MRPS21: variants seen among roughly 807,000 people sequenced by gnomAD.
MRPS21 encodes the protein mitochondrial ribosomal protein S21, also known as small ribosomal subunit protein bS21m.
MRPS21 carries 8 observed loss-of-function variants against 9.9 expected under a neutral mutation model. The ratio of observed to expected loss-of-function variants is 0.81; its 90% CI spans 0.47 to 1.45. The LOEUF (loss-of-function observed/expected upper bound fraction) is 1.45, where lower values mean the gene tolerates loss of function less well. MRPS21 is among the 40% of genes most tolerant of loss of function. The pLI, the probability that MRPS21 is intolerant of heterozygous loss-of-function variation, is 0.00. For synonymous variants in MRPS21, 40 were observed against 40.3 expected, an observed-to-expected ratio of 0.99 and a Z score of 0.03; for missense variants, 101 against 118.9, an observed-to-expected ratio of 0.85 and a Z score of 0.70.
chr1:150,302,578 A>G (rs896355775), intron 2 of MRPS21, among the ~76,000 whole-genome samples: 3 of 152,110 alleles, frequency 2.0e-5, no homozygotes, highest in Non-Finnish European at 2.9e-5. Flanking sequence ...CTCCTTTTAC[A>G]TAATCATTTG....
chr1:150,293,920 G>C (rs1653812570), intron 1 of MRPS21, 22 bp downstream of exon 1: 1 of 204,548 alleles, frequency 4.9e-6, no homozygotes, highest in Non-Finnish European at 1.0e-5. Context: ...TGCAGGGTTT[G>C]GGGAAAGGAA....
At chr1:150,298,697 G>A (rs1553857048) in intron 2 of MRPS21, among the ~76,000 whole-genome samples, 5 of 152,126 alleles carry the variant, frequency 3.3e-5, no homozygotes, top group Non-Finnish European at 5.9e-5. Flanking sequence ...CGCCTCCCGA[G>A]TTCAAGCGAT....
chr1:150,302,414 C>T (rs922794951), intron 2 of MRPS21, among the ~76,000 whole-genome samples: 1 of 152,122 alleles, frequency 6.6e-6, no homozygotes, highest in African/African-American at 2.4e-5. Context: ...AAGGTGAGTA[C>T]ACTGGAAGCA....
At chr1:150,306,014 G>C (rs587746931) in intron 2 of MRPS21, among the ~76,000 whole-genome samples, 1 of 152,192 alleles carries the variant, frequency 6.6e-6, no homozygotes, top group South Asian at 2.1e-4. Flanking sequence ...CCCAGGGTTC[G>C]GAATGTTTAA....
intron 2 of MRPS21, among the ~76,000 whole-genome samples, chr1:150,299,540 C>T (rs1190848081): frequency 1.3e-5 from 2 of 152,158 alleles, no homozygotes; most frequent in East Asian, 1.9e-4. Flanking sequence ...CTGCAACCTC[C>T]GCCTCCCAGG....
intron 2 of MRPS21, among the ~76,000 whole-genome samples, chr1:150,296,345 A>T (rs943108459): frequency 5.3e-5 from 8 of 152,236 alleles, no homozygotes; most frequent in African/African-American, 1.9e-4. Flanking sequence ...GGTATGACTC[A>T]CGCGTCATTT....
At chr1:150,294,973 C>T (rs982230084) in intron 2 of MRPS21, among the ~76,000 whole-genome samples, 1 of 151,116 alleles carries the variant, frequency 6.6e-6, no homozygotes, top group African/African-American at 2.4e-5. Context: ...CCCCGCACCT[C>T]CCCGCTTTTA....
intron 2 of MRPS21, among the ~76,000 whole-genome samples, chr1:150,298,291 G>A (rs1653987355): frequency 6.6e-6 from 1 of 152,218 alleles, no homozygotes; most frequent in African/African-American, 2.4e-5. Flanking sequence ...CTAGGGAGAT[G>A]AATGTTGAAT....
At chr1:150,294,535 T>C in intron 2 of MRPS21, 86 bp downstream of exon 2, 1 of 1,139,158 alleles carries the variant, frequency 8.8e-7, no homozygotes, top group Admixed American at 1.9e-5. Context: ...TTGATTGTTC[T>C]CAAAACAGTG....
At chr1:150,297,783 G>GTGCCTTACT (rs1180709292) in intron 2 of MRPS21, among the ~76,000 whole-genome samples, 1 of 152,052 alleles carries the variant, frequency 6.6e-6, no homozygotes, top group African/African-American at 2.4e-5. Flanking sequence ...GTAAAGATAA[G>GTGCCTTACT]TACCAGGTTG....
chr1:150,303,678 AGAG>A (rs1174619049), intron 2 of MRPS21, among the ~76,000 whole-genome samples: 2 of 152,234 alleles, frequency 1.3e-5, no homozygotes, highest in African/African-American at 4.8e-5. Flanking sequence ...ATCTATAAAA[AGAG>A]GACATTATTT....
chr1:150,303,183 G>A (rs962910317), intron 2 of MRPS21, among the ~76,000 whole-genome samples: 36 of 152,076 alleles, frequency 2.4e-4, no homozygotes, highest in African/African-American at 8.7e-4. Context: ...CTTTTAAACT[G>A]TCTTTGTCAT....
Position 150,297,686 on chromosome 1 carries a change from G to A in MRPS21, c.83+3237G>A, listed in dbSNP as rs116608670. On this transcript the variant is annotated intron_variant, in intron 2 of 2. Coordinates refer to ENST00000614145, the MANE Select transcript of MRPS21 (RefSeq NM_031901.6). The stretch of plus-strand genomic sequence containing the variant: ...ACTCAAAAAAAAAAATCTGGTCTGG[G>A]GTCAGCCACATCACTTAATTCTATG... Among the ~76,000 whole-genome samples the A allele has an allele frequency of 3.3e-3, 509 of 152,064 alleles. 5 individuals are homozygous for A. The highest frequency in any genetic ancestry group is 0.012 in the African/African-American group (479 of 41,494).
chr1:150,302,415 A>T (rs1189766164), intron 2 of MRPS21, among the ~76,000 whole-genome samples: 1 of 152,106 alleles, frequency 6.6e-6, no homozygotes, highest in Non-Finnish European at 1.5e-5. Context: ...AGGTGAGTAC[A>T]CTGGAAGCAT....
At chr1:150,296,371 A>G (rs1047793150) in intron 2 of MRPS21, among the ~76,000 whole-genome samples, 1 of 152,202 alleles carries the variant, frequency 6.6e-6, no homozygotes, top group Admixed American at 6.6e-5. Context: ...CCCCAATGTG[A>G]AGTAACATTT....
At chr1:150,300,115 G>A (rs1308554380) in intron 2 of MRPS21, among the ~76,000 whole-genome samples, 1 of 152,082 alleles carries the variant, frequency 6.6e-6, no homozygotes, top group Non-Finnish European at 1.5e-5. Flanking sequence ...GGCTGAGGGG[G>A]GCGGATCATT....
At chr1:150,296,533 A>G (rs1653921480) in intron 2 of MRPS21, among the ~76,000 whole-genome samples, 1 of 152,184 alleles carries the variant, frequency 6.6e-6, no homozygotes, top group Admixed American at 6.5e-5. Flanking sequence ...GTGCCTGTGA[A>G]TAACCACTCC....
chr1:150,294,648 C>T (rs1320837467), intron 2 of MRPS21, among the ~76,000 whole-genome samples, 199 bp downstream of exon 2: 1 of 152,072 alleles, frequency 6.6e-6, no homozygotes, highest in East Asian at 1.9e-4. Context: ...CCTGTAATCC[C>T]AGCACTTTGG....
intron 2 of MRPS21, among the ~76,000 whole-genome samples, chr1:150,306,681 G>C (rs1553858570): frequency 6.6e-6 from 1 of 152,140 alleles, no homozygotes; most frequent in Non-Finnish European, 1.5e-5. Flanking sequence ...TTTTAGTAGA[G>C]ACAGGGTTTC....
Sources: allele counts gnomAD v4.1 joint callset (sites outside exome capture counted in the v4.1 genomes callset), GRCh38; gene constraint gnomAD v4.1.1; transcripts MANE v1.5; gene names NCBI Gene and HGNC (gene_info 2026-07-23, HGNC 2026-07-21).